VPS53: variants seen among roughly 807,000 people sequenced by gnomAD.
The protein encoded by VPS53 is VPS53 subunit of GARP complex, also known as vacuolar protein sorting-associated protein 53 homolog.
VPS53 carries 70 observed loss-of-function variants against 107.0 expected under a neutral mutation model. The observed-to-expected ratio is 0.65, with a 90% CI of 0.54 to 0.80. The LOEUF (loss-of-function observed/expected upper bound fraction) is 0.80. VPS53 is among the 30% of genes least tolerant of loss of function. VPS53 has a pLI of 0.00. For synonymous variants in VPS53, 409 were observed against 393.3 expected, an observed-to-expected ratio of 1.04 and a Z score of -0.47; for missense variants, 917 against 1,049.4, an observed-to-expected ratio of 0.87 and a Z score of 1.74.
intron 1 of VPS53, among the ~76,000 whole-genome samples, chr17:713,134 C>T (rs978239869): frequency 6.6e-5 from 10 of 150,686 alleles, no homozygotes; most frequent in African/African-American, 9.8e-5. Context: ...CCCAGGAGTT[C>T]GAGGCTGCAG....
chr17:624,004 G>C (rs565381762), intron 10 of VPS53, among the ~76,000 whole-genome samples: 1 of 150,902 alleles, frequency 6.6e-6, no homozygotes, highest in Admixed American at 6.6e-5. Flanking sequence ...CCACCTCCTG[G>C]GTTCAAATGA....
chr17:635,816 G>C (rs1471587992), intron 7 of VPS53, among the ~76,000 whole-genome samples: 1 of 152,178 alleles, frequency 6.6e-6, no homozygotes, highest in African/African-American at 2.4e-5. Context: ...AGTATAGTTT[G>C]AAGTCAGGTA....
intron 2 of VPS53, among the ~76,000 whole-genome samples, chr17:700,859 C>G (rs1032112223): frequency 6.6e-6 from 1 of 152,172 alleles, no homozygotes; most frequent in Non-Finnish European, 1.5e-5. Flanking sequence ...TTGCTTCTGG[C>G]TACCTCTGAT....
chr17:530,032 A>C (rs1337845547), intron 19 of VPS53, among the ~76,000 whole-genome samples: 1 of 152,138 alleles, frequency 6.6e-6, no homozygotes, highest in Non-Finnish European at 1.5e-5. Flanking sequence ...ACAGCAAAAA[A>C]AAAAAGTATT....
In VPS53 at chr17:550,539, A is replaced by T. The variant is rs138922978; in HGVS notation, c.1866+1333T>A. 1.3e-4 allele frequency among the ~76,000 whole-genome samples: 20 copies of T among 152,362 alleles called. 1 individual carries two copies. The East Asian group carries it at 3.7e-3, about 28-fold the overall frequency. On this transcript the variant is annotated intron_variant, in intron 17 of 21. Transcript: ENST00000437048. ...CAATAAAACTTTATTTTCAAATACA[A>T]GCAGTGGGCCAGATCTGGTTCCCAG...
chr17:569,454 A>G (rs1480743394), intron 13 of VPS53, among the ~76,000 whole-genome samples: 1 of 152,314 alleles, frequency 6.6e-6, no homozygotes, highest in East Asian at 1.9e-4. Flanking sequence ...ATAGGTATAC[A>G]TTTATTCCAA....
At position 524,237 on chromosome 17, in the gene VPS53, T is replaced by TACA. The variant is rs1908957456; in HGVS notation, c.2086-2502_2086-2500dup. ...TTGCTTGAACCTGGGAGGTTTGCGCTACAGCCTGGGTGACAGAACAAGACA... is the reference window on the plus strand; with the variant it reads ...TTGCTTGAACCTGGGAGGTTTGCGCTACAACAGCCTGGGTGACAGAACAAGACA... On this transcript the variant is annotated intron_variant, in intron 19 of 21. Transcript: ENST00000437048. The surrounding 1 kb of genome is among the most constrained non-coding windows in gnomAD (Gnocchi z 4.5). 6.6e-6 allele frequency among the ~76,000 whole-genome samples: 1 copy of TACA among 152,030 alleles called. No individual in the cohort carries two copies. The highest frequency in any genetic ancestry group is 1.9e-4 in the East Asian group (1 of 5,166).
In VPS53 at chr17:692,186, C is replaced by T. The variant is rs986277805; in HGVS notation, c.285+5232G>A. ...AACTTCCCACTGCCGGCTTTTTCTT[C>T]CTCTAACCCGCCCCTCTATTCACCT... On this transcript the variant is annotated intron_variant, in intron 4 of 21. Coordinates refer to ENST00000437048, the MANE Select transcript of VPS53 (RefSeq NM_001128159.3). Among the ~76,000 whole-genome samples, 18 of 152,148 alleles carry T rather than the reference C, an allele frequency of 1.2e-4. 1 individual carries two copies.
intron 7 of VPS53, among the ~76,000 whole-genome samples, chr17:634,642 AGT>A (rs1371945318): frequency 1.4e-5 from 2 of 146,598 alleles, no homozygotes; most frequent in Non-Finnish European, 3.0e-5. Flanking sequence ...GAGAACATGC[AGT>A]GTTTGGTTTT....
At chr17:576,397 G>A (rs4968172) in intron 13 of VPS53, among the ~76,000 whole-genome samples, 32,313 of 150,650 alleles carry the variant, frequency 0.21, 4,107 homozygotes, top group Non-Finnish European at 0.29. Flanking sequence ...AGAACCTAAT[G>A]CATTGCCAGA....
At chr17:658,326 C>T (rs1384386371) in intron 5 of VPS53, among the ~76,000 whole-genome samples, 1 of 137,928 alleles carries the variant, frequency 7.3e-6, no homozygotes, top group Non-Finnish European at 1.6e-5. Flanking sequence ...GTGAGACACT[C>T]GGCCGTGAGT....
intron 1 of VPS53, among the ~76,000 whole-genome samples, chr17:710,876 C>T (rs909786095): frequency 2.7e-5 from 4 of 148,430 alleles, no homozygotes; most frequent in East Asian, 4.0e-4. Context: ...ACCCGGGAGG[C>T]GGAGGTTACA....
intron 4 of VPS53, among the ~76,000 whole-genome samples, chr17:685,851 T>G (rs1972566545): frequency 6.6e-6 from 1 of 151,990 alleles, no homozygotes. Context: ...AAAAACTTTT[T>G]AAATTAAAAA....
At chr17:604,516 C>T (rs893511989) in intron 11 of VPS53, among the ~76,000 whole-genome samples, 2 of 152,222 alleles carry the variant, frequency 1.3e-5, no homozygotes, top group Non-Finnish European at 2.9e-5. Flanking sequence ...ACAGGCCACT[C>T]GCTCAGTGTC....
At chr17:640,854 T>C (rs995948796) in intron 7 of VPS53, among the ~76,000 whole-genome samples, 2 of 152,096 alleles carry the variant, frequency 1.3e-5, no homozygotes, top group African/African-American at 2.4e-5. Context: ...CAGCAGTTTT[T>C]TTCTTTGTTT....
At chr17:609,834 A>C (rs1411473322) in intron 11 of VPS53, among the ~76,000 whole-genome samples, 1 of 152,148 alleles carries the variant, frequency 6.6e-6, no homozygotes, top group Non-Finnish European at 1.5e-5. Context: ...AATGCATATA[A>C]AATTAGTAGA....
chr17:622,480 C>T (rs982558132), intron 11 of VPS53, among the ~76,000 whole-genome samples: 4 of 152,118 alleles, frequency 2.6e-5, no homozygotes, highest in Non-Finnish European at 5.9e-5. Flanking sequence ...TTCTTCTTTC[C>T]CCTTCCATTC....
intron 12 of VPS53, among the ~76,000 whole-genome samples, chr17:597,124 C>T (rs1045041629): frequency 6.6e-6 from 1 of 152,282 alleles, no homozygotes; most frequent in Non-Finnish European, 1.5e-5. Flanking sequence ...CTCTTGTAAA[C>T]GAAATACCTT....
At chr17:635,751 T>C (rs1970171921) in intron 7 of VPS53, among the ~76,000 whole-genome samples, 1 of 152,222 alleles carries the variant, frequency 6.6e-6, no homozygotes, top group African/African-American at 2.4e-5. Flanking sequence ...GTTCCATTGA[T>C]CTACATCTCT....
Sources: allele counts gnomAD v4.1 joint callset (sites outside exome capture counted in the v4.1 genomes callset), GRCh38; gene constraint gnomAD v4.1.1; non-coding constraint Gnocchi (gnomAD v3.1); transcripts MANE v1.5; gene names NCBI Gene and HGNC (gene_info 2026-07-23, HGNC 2026-07-21).